Variants in NEMF observed in about 807,000 individuals in gnomAD.
NEMF encodes the protein ribosome quality control complex subunit NEMF.
In NEMF, 89 loss-of-function variants were observed where a neutral mutation model predicts 162.2. The observed-to-expected ratio is 0.55, with a 90% CI of 0.46 to 0.65. The LOEUF is 0.65. NEMF is among the 30% of genes least tolerant of loss of function. The pLI, the probability that NEMF is intolerant of heterozygous loss-of-function variation, is 0.00. For synonymous variants in NEMF, 421 were observed against 404.5 expected, an observed-to-expected ratio of 1.04 and a Z score of -0.49; for missense variants, 1,133 against 1,261.9, an observed-to-expected ratio of 0.90 and a Z score of 1.55.
chr14:49,819,346 T>C (rs1891878658), intron 16 of NEMF, among the ~76,000 whole-genome samples: 1 of 151,818 alleles, frequency 6.6e-6, no homozygotes, highest in Admixed American at 6.6e-5. Flanking sequence ...TGCTTGACTG[T>C]TTCATTTCAT....
chr14:49,821,705 C>A (rs1391931754), intron 16 of NEMF, among the ~76,000 whole-genome samples: 2 of 141,604 alleles, frequency 1.4e-5, no homozygotes, highest in African/African-American at 5.2e-5. Flanking sequence ...GCCCCCCGCC[C>A]GGCCAGCCGC....
chr14:49,800,744 C>G (rs745896527), intron 22 of NEMF, 48 bp from the exon 23 acceptor site: 1 of 1,522,430 alleles, frequency 6.6e-7, no homozygotes, highest in Non-Finnish European at 8.9e-7. Flanking sequence ...CCAACCAAGC[C>G]AGGTGATTTC....
rs1891649531 is a variant in NEMF, at chr14:49,814,953, C to T, written c.1578-96G>A. ...AAACAAAACAGGAAGCTATTTAAGA[C>T]AAGTTGATGGTTTAATTTTTTTAAG... On this transcript the variant is annotated intron_variant, in intron 16 of 32. Coordinates refer to ENST00000298310, the MANE Select transcript of NEMF (RefSeq NM_004713.6). 8.7e-6 allele frequency: 6 copies of T among 691,434 alleles called. No homozygotes were observed. The East Asian group carries it at 1.8e-4, about 20-fold the overall frequency. 42.8% of individuals were successfully genotyped at this position (691,434 alleles called of 1,614,324 possible).
In NEMF at chr14:49,785,356, A is replaced by C. The variant is rs1337445893; in HGVS notation, c.2929-36T>G. ...AAAATAACAGTTACAAAGGCAATTT[A>C]TACCGCCCTTTACAAAAAATGCTAA... is the stretch of plus-strand genomic sequence containing the variant. On this transcript the variant is annotated intron_variant, in intron 29 of 32. Coordinates refer to ENST00000298310, the MANE Select transcript of NEMF (RefSeq NM_004713.6). 17 of 1,430,530 alleles carry C rather than the reference A, an allele frequency of 1.2e-5. No individual in the cohort carries two copies. In the Admixed American group the frequency reaches 2.2e-4, roughly 18 times the overall value. The allele number at this position is 1,430,530 out of a possible 1,614,324, so 88.6% of individuals were successfully genotyped here.
chr14:49,819,583 T>C (rs1401384582), intron 16 of NEMF, among the ~76,000 whole-genome samples: 1 of 151,910 alleles, frequency 6.6e-6, no homozygotes, highest in Non-Finnish European at 1.5e-5. Context: ...CCTAGCTAAT[T>C]TTTGTATTTT....
In NEMF at chr14:49,789,988, CTG is replaced by C. The variant is rs544034981; in HGVS notation, c.2620-417_2620-416del. 3.3e-3 allele frequency among the ~76,000 whole-genome samples: 503 copies of C among 152,310 alleles called. 2 individuals carry two copies. The highest frequency in any genetic ancestry group is 5.3e-3 in the Non-Finnish European group (362 of 68,026). On this transcript the variant is annotated intron_variant, in intron 26 of 32. Coordinates refer to ENST00000298310, the MANE Select transcript of NEMF (RefSeq NM_004713.6). ...ACTTATTCTAGAGGCTTTCAAGACT[CTG>C]TATTTTATTAAATAAACCAATGATT...
intron 16 of NEMF, among the ~76,000 whole-genome samples, chr14:49,817,512 C>G (rs1235325535): frequency 6.6e-6 from 1 of 152,082 alleles, no homozygotes; most frequent in African/African-American, 2.4e-5. Flanking sequence ...CATCTAGTTA[C>G]ACCTGACAAA....
chr14:49,794,434 A>T (rs1175879297), intron 26 of NEMF, among the ~76,000 whole-genome samples: 1 of 152,112 alleles, frequency 6.6e-6, no homozygotes, highest in Non-Finnish European at 1.5e-5. Flanking sequence ...AGAAGGAAAG[A>T]TCATAAAACA....
Position 49,782,369 on chromosome 14 carries a change from G to T in NEMF, c.*2267C>A, listed in dbSNP as rs1477532260. 4 of 1,606,020 alleles carry T rather than the reference G, an allele frequency of 2.5e-6. No individual in the cohort carries two copies. The highest frequency in any genetic ancestry group is 3.4e-6 in the Non-Finnish European group (4 of 1,175,280). ...CAAACTCGTTTTTGTTTTAAATGCA[G>T]GTTATGGCACACAGCTTGTGCCAGC... is the stretch of plus-strand genomic sequence containing the variant. On this transcript the variant is annotated 3_prime_UTR_variant, in exon 33 of 33. Transcript: ENST00000298310.
chr14:49,816,110 C>T (rs1248671251), intron 16 of NEMF, among the ~76,000 whole-genome samples: 2 of 152,166 alleles, frequency 1.3e-5, no homozygotes, highest in African/African-American at 4.8e-5. Flanking sequence ...CATAGAAAAG[C>T]TAAAATATTT....
intron 4 of NEMF, 100 bp downstream of exon 4, chr14:49,846,040 G>A: frequency 2.0e-6 from 2 of 997,434 alleles, no homozygotes; most frequent in Non-Finnish European, 2.9e-6. Flanking sequence ...AACAACCTTT[G>A]ACACAGAAAA....
chr14:49,843,309 C>T (rs891464248), intron 4 of NEMF, among the ~76,000 whole-genome samples: 4 of 151,910 alleles, frequency 2.6e-5, no homozygotes, highest in Admixed American at 2.0e-4. Context: ...GCCTGGGCAA[C>T]GAAGTGAGAG....
At chr14:49,850,709 T>C (rs1893730218) in intron 3 of NEMF, among the ~76,000 whole-genome samples, 1 of 150,020 alleles carries the variant, frequency 6.7e-6, no homozygotes, top group Non-Finnish European at 1.5e-5. Flanking sequence ...TCAGTGAGTA[T>C]TCCAAAAAAA....
chr14:49,835,326 A>G (rs1322479652), intron 6 of NEMF, among the ~76,000 whole-genome samples: 1 of 152,216 alleles, frequency 6.6e-6, no homozygotes, highest in Non-Finnish European at 1.5e-5. Flanking sequence ...TTCAACCACA[A>G]TGAGGATTTA....
intron 8 of NEMF, among the ~76,000 whole-genome samples, chr14:49,832,687 A>G (rs186304381): frequency 6.8e-4 from 103 of 152,294 alleles, no homozygotes; most frequent in African/African-American, 2.3e-3. Flanking sequence ...TTTACTTTCT[A>G]TGACTGATAT....
intron 11 of NEMF, among the ~76,000 whole-genome samples, chr14:49,829,902 G>T (rs1220308678): frequency 2.0e-5 from 3 of 152,068 alleles, no homozygotes; most frequent in Admixed American, 6.6e-5. Context: ...ACTGCACCTG[G>T]CAGGGAATGA....
intron 10 of NEMF, 91 bp downstream of exon 10, chr14:49,831,960 G>A (rs1892659177): frequency 2.6e-6 from 2 of 781,222 alleles, no homozygotes; most frequent in African/African-American, 1.8e-5. Flanking sequence ...TGTAAAGCAA[G>A]TATAGTTTCA....
chr14:49,835,218 C>CAA (rs55826615), intron 6 of NEMF, among the ~76,000 whole-genome samples: 2,773 of 132,866 alleles, frequency 0.021, 52 homozygotes, highest in Middle Eastern at 0.052. Context: ...ACCCCGCAAC[C>CAA]AAAAAAAAAA....
At chr14:49,826,575 G>C (rs1892360592) in intron 15 of NEMF, among the ~76,000 whole-genome samples, 1 of 147,212 alleles carries the variant, frequency 6.8e-6, no homozygotes, top group Non-Finnish European at 1.5e-5. Flanking sequence ...AGCAAGTACA[G>C]CAAGTAGTAA....
Sources: allele counts gnomAD v4.1 joint callset (sites outside exome capture counted in the v4.1 genomes callset), GRCh38; gene constraint gnomAD v4.1.1; transcripts MANE v1.5; gene names NCBI Gene and HGNC (gene_info 2026-07-23, HGNC 2026-07-21).